Variants in DRC8 observed in about 807,000 individuals in gnomAD.
DRC8 encodes the protein dynein regulatory complex subunit 8.
the DRC8 span, among the ~76,000 whole-genome samples, chr1:245,018,770 G>A: frequency 3.9e-5 from 6 of 152,150 alleles, no homozygotes; most frequent in African/African-American, 1.4e-4. Context: ...AACACACTAC[G>A]TGTAGTTGGG....
At chr1:245,049,882 A>G in the DRC8 span, among the ~76,000 whole-genome samples, 1 of 152,194 alleles carries the variant, frequency 6.6e-6, no homozygotes, top group African/African-American at 2.4e-5. This position sits in a 1 kb window ranked among gnomAD's most constrained non-coding sequence, Gnocchi z 4.5. Context: ...TGATCTTGGG[A>G]AAATGTCTTA....
the DRC8 span, among the ~76,000 whole-genome samples, chr1:245,102,330 CTTTA>C: frequency 7.9e-3 from 1,171 of 147,482 alleles, 8 homozygotes; most frequent in African/African-American, 0.024. Context: ...TCATTAGGAA[CTTTA>C]TTTATTTATT....
At chr1:244,970,616 C>A in the DRC8 span, 2 of 683,846 alleles carry the variant, frequency 2.9e-6, no homozygotes, top group South Asian at 2.2e-5. Flanking sequence ...CCCCCGTCCC[C>A]GTAGCCCGCC....
chr1:245,093,819 CATGGTTTT>C, the DRC8 span, among the ~76,000 whole-genome samples: 1 of 152,032 alleles, frequency 6.6e-6, no homozygotes, highest in Non-Finnish European at 1.5e-5. Context: ...AAAATCGGGC[CATGGTTTT>C]ATATGTGTGG....
At chr1:245,062,813 A>G in the DRC8 span, among the ~76,000 whole-genome samples, 1 of 152,112 alleles carries the variant, frequency 6.6e-6, no homozygotes, top group Non-Finnish European at 1.5e-5. Context: ...TCTATTAACC[A>G]TCTCCACCTT....
chr1:245,069,885 A>T, the DRC8 span, among the ~76,000 whole-genome samples: 1,674 of 152,242 alleles, frequency 0.011, 34 homozygotes, highest in African/African-American at 0.037. Flanking sequence ...CTACAAAAAA[A>T]TTTTTAAAAA....
At chr1:245,059,534 A>C in the DRC8 span, 1 of 1,328,732 alleles carries the variant, frequency 7.5e-7, no homozygotes, top group Non-Finnish European at 1.0e-6. Context: ...AACAATCCTT[A>C]CCGGAAACTA....
chr1:245,090,491 CG>C, the DRC8 span, among the ~76,000 whole-genome samples: 1 of 152,178 alleles, frequency 6.6e-6, no homozygotes, highest in East Asian at 1.9e-4. Flanking sequence ...AAGTGCTTGA[CG>C]TACATGAACT....
the DRC8 span, among the ~76,000 whole-genome samples, chr1:245,025,179 G>A: frequency 2.0e-5 from 3 of 152,048 alleles, no homozygotes; most frequent in Admixed American, 6.6e-5. Context: ...ATTTGGTGGG[G>A]ACAAAATACA....
the DRC8 span, chr1:245,082,189 G>T: frequency 6.4e-7 from 1 of 1,553,028 alleles, no homozygotes; most frequent in African/African-American, 1.4e-5. Context: ...AATTGTTAAG[G>T]CAAAGTAATG....
the DRC8 span, among the ~76,000 whole-genome samples, chr1:245,109,004 T>C: frequency 6.6e-6 from 1 of 151,990 alleles, no homozygotes; most frequent in Non-Finnish European, 1.5e-5. Context: ...GAGGAAACAA[T>C]AGTATGTGAG....
chr1:244,971,474 G>A, the DRC8 span, among the ~76,000 whole-genome samples: 1 of 152,208 alleles, frequency 6.6e-6, no homozygotes, highest in South Asian at 2.1e-4. Context: ...TTCATGGTAT[G>A]ATTAAAACCC....
chr1:244,981,726 T>G, the DRC8 span, among the ~76,000 whole-genome samples: 7 of 152,180 alleles, frequency 4.6e-5, no homozygotes, highest in African/African-American at 1.7e-4. Context: ...GCCTGCAGTC[T>G]TAGGCGGTCC....
the DRC8 span, among the ~76,000 whole-genome samples, chr1:244,980,958 G>A: frequency 6.6e-6 from 1 of 152,188 alleles, no homozygotes; most frequent in African/African-American, 2.4e-5. Context: ...CCAGGCGGGT[G>A]GATTACCTGA....
chr1:245,099,716 A>C, the DRC8 span, among the ~76,000 whole-genome samples: 1 of 152,262 alleles, frequency 6.6e-6, no homozygotes, highest in Non-Finnish European at 1.5e-5. Flanking sequence ...GATGTGAGGA[A>C]GGATGACTTA....
At chr1:245,046,331 A>T in the DRC8 span, among the ~76,000 whole-genome samples, 2 of 151,968 alleles carry the variant, frequency 1.3e-5, no homozygotes, top group African/African-American at 4.8e-5. Context: ...TTGCAGACAG[A>T]CCTCGATCTC....
the DRC8 span, among the ~76,000 whole-genome samples, chr1:245,093,843 CA>C: frequency 6.6e-6 from 1 of 152,088 alleles, no homozygotes; most frequent in African/African-American, 2.4e-5. Context: ...TGTGGCAGGT[CA>C]AAATGCCAAA....
the DRC8 span, among the ~76,000 whole-genome samples, chr1:245,118,810 GAA>G: frequency 1.2e-5 from 1 of 83,108 alleles, no homozygotes; most frequent in African/African-American, 5.6e-5. Flanking sequence ...GAAAAGAAAA[GAA>G]AAGAAAAGAA....
chr1:244,976,763 A>G, the DRC8 span, among the ~76,000 whole-genome samples: 1 of 152,202 alleles, frequency 6.6e-6, no homozygotes, highest in Non-Finnish European at 1.5e-5. Flanking sequence ...TTGAGTTACC[A>G]TGTGACCCAG....
Sources: gnomAD v4.1 joint callset for allele counts (sites outside exome capture counted in the v4.1 genomes callset) on GRCh38, gnomAD v4.1.1 for gene constraint, Gnocchi (gnomAD v3.1) non-coding constraint, MANE v1.5 for transcripts, NCBI Gene and HGNC (gene_info 2026-07-23, HGNC 2026-07-21) for gene names.